The following PCDHGA10 variants were observed in gnomAD, a reference collection of about 807,000 sequenced individuals.
The protein encoded by PCDHGA10 is protocadherin gamma subfamily A, 10, also known as protocadherin gamma-A10.
Under a neutral mutation model 59.5 loss-of-function variants are expected in PCDHGA10, and 42 were observed. The ratio of observed to expected loss-of-function variants is 0.71; its 90% confidence interval spans 0.55 to 0.91. PCDHGA10 has a LOEUF of 0.91. Ranked by LOEUF, PCDHGA10 falls within the 40% of genes least tolerant of loss-of-function variation. PCDHGA10 has a pLI of 0.00. For synonymous variants in PCDHGA10, 511 were observed against 517.2 expected, an observed-to-expected ratio of 0.99 and a Z score of 0.16; for missense variants, 1,111 against 1,198.2, an observed-to-expected ratio of 0.93 and a Z score of 1.07.
intron 1 of PCDHGA10, among the ~76,000 whole-genome samples, chr5:141,460,764 G>A (rs2098996981): frequency 6.6e-6 from 1 of 150,516 alleles, no homozygotes; most frequent in Admixed American, 6.7e-5. Flanking sequence ...TATACATATT[G>A]CATATGTATG....
chr5:141,417,919 G>C, intron 1 of PCDHGA10: 1 of 1,605,944 alleles, frequency 6.2e-7, no homozygotes, highest in Non-Finnish European at 8.5e-7. Flanking sequence ...TATTTCCTTT[G>C]CTGCTGCCTT....
intron 3 of PCDHGA10, 88 bp from the exon 4 acceptor site, chr5:141,510,859 A>G: frequency 6.2e-7 from 1 of 1,606,096 alleles, no homozygotes; most frequent in Non-Finnish European, 8.5e-7. Context: ...GGTGCTGTAT[A>G]GGCATTCATT....
At chr5:141,441,981 C>A in intron 1 of PCDHGA10, 1 of 278,140 alleles carries the variant, frequency 3.6e-6, no homozygotes, top group South Asian at 3.6e-5. Context: ...GCCTGGAATG[C>A]GCACCGACGA....
At position 141,491,796 on chromosome 5, in the gene PCDHGA10, C is replaced by T. The variant is rs1487915203; in HGVS notation, c.2437-3011C>T. The stretch of plus-strand genomic sequence containing the variant: ...GATTGAACTTGCATCCACTCCTCTC[C>T]GGCCGGCTTGGTCGCTGGCTGCGCT... On this transcript the variant is annotated intron_variant, in intron 1 of 3. Transcript: ENST00000398610. The surrounding 1 kb of genome is among the most constrained non-coding windows in gnomAD (Gnocchi z 6.9). 6.6e-7 allele frequency: 1 copy of T among 1,509,866 alleles called. No homozygotes were observed. The highest frequency in any genetic ancestry group is 2.4e-5 in the Admixed American group (1 of 42,218). The allele number at this position is 1,509,866 out of a possible 1,614,324, so 93.5% of individuals were successfully genotyped here. A position where few individuals can be genotyped will look rare whatever the true frequency, so the allele number is the denominator to read the frequency against.
chr5:141,439,176 T>C (rs1044289122), intron 1 of PCDHGA10, among the ~76,000 whole-genome samples: 3 of 146,068 alleles, frequency 2.1e-5, no homozygotes, highest in African/African-American at 7.8e-5. Context: ...CTGGGCGACA[T>C]AGTGAGACTC....
rs111263562 is a variant in PCDHGA10, at chr5:141,487,812, T to C, written c.2437-6995T>C. The C allele has an allele frequency of 1.1e-4, 148 of 1,408,204 alleles. 1 individual carries two copies. Among genetic ancestry groups the C allele is most frequent in the South Asian group, 1.6e-4 (12 of 73,988 alleles). The allele number at this position is 1,408,204 out of a possible 1,614,324, so 87.2% of individuals were successfully genotyped here. On this transcript the variant is annotated intron_variant, in intron 1 of 3. Coordinates refer to ENST00000398610, the MANE Select transcript of PCDHGA10 (RefSeq NM_018913.3). The surrounding 1 kb of genome is among the most constrained non-coding windows in gnomAD (Gnocchi z 5.0). ...TAACCAGAGTTGTCACAGTTTAGCA[T>C]TGGGGGCGGGTCATGCCTATATCTG...
rs1561869085 is a variant in PCDHGA10, at chr5:141,433,357, GCCTA to G, written c.2436+17747_2436+17750del. On this transcript the variant is annotated intron_variant, in intron 1 of 3. Transcript: ENST00000398610. ...TACAGGTGCAAGCCACCTACTGTCT[GCCTA>G]TCTATCTATCTATCTATCTATCTAT... is the stretch of plus-strand genomic sequence containing the variant. 3 of 568,974 alleles carry G rather than the reference GCCTA, an allele frequency of 5.3e-6. No homozygotes were observed. In the African/African-American group the frequency reaches 6.4e-5, roughly 12 times the overall value. The allele number at this position is 568,974 out of a possible 1,614,324, so 35.2% of individuals were successfully genotyped here.
Position 141,510,866 on chromosome 5 carries a change from C to G in PCDHGA10, c.2585-81C>G. 1.9e-6 allele frequency: 3 copies of G among 1,607,908 alleles called. No homozygotes were observed. The East Asian group carries it at 6.7e-5, about 36-fold the overall frequency. ...AGGCCCAGGGTGCTGTATAGGCATT[C>G]ATTAACTGCTGGGGATATAAGACAG... On this transcript the variant is annotated intron_variant, in intron 3 of 3. Coordinates refer to ENST00000398610, the MANE Select transcript of PCDHGA10 (RefSeq NM_018913.3).
intron 3 of PCDHGA10, among the ~76,000 whole-genome samples, chr5:141,507,713 C>T (rs2099862763): frequency 6.6e-6 from 1 of 152,234 alleles, no homozygotes; most frequent in Non-Finnish European, 1.5e-5. Flanking sequence ...GGCCCCAAAC[C>T]CTCCAAGCAA....
intron 1 of PCDHGA10, among the ~76,000 whole-genome samples, chr5:141,425,336 G>A (rs2096868804): frequency 6.6e-6 from 1 of 152,182 alleles, no homozygotes; most frequent in South Asian, 2.1e-4. Flanking sequence ...CAAAAAGGAA[G>A]GGTTGGCTTT....
At chr5:141,471,660 A>G (rs1010236543) in intron 1 of PCDHGA10, 12 of 152,184 alleles carry the variant, frequency 7.9e-5, no homozygotes, top group Non-Finnish European at 1.8e-4. Flanking sequence ...GTGGGGATGC[A>G]GAAAAAAATA....
chr5:141,506,294 C>T (rs1165174121), intron 3 of PCDHGA10, among the ~76,000 whole-genome samples: 1 of 151,888 alleles, frequency 6.6e-6, no homozygotes, highest in African/African-American at 2.4e-5. Context: ...ACTAAAAATA[C>T]AAAAATTAGC....
chr5:141,466,016 G>A (rs1592991828), intron 1 of PCDHGA10, among the ~76,000 whole-genome samples: 2 of 152,032 alleles, frequency 1.3e-5, no homozygotes, highest in East Asian at 3.9e-4. Flanking sequence ...CAGCTACTCG[G>A]GAGGGTGAGG....
intron 1 of PCDHGA10, chr5:141,475,937 C>G (rs970582600): frequency 2.8e-5 from 19 of 676,764 alleles, no homozygotes; most frequent in African/African-American, 1.8e-4. Context: ...GGCCCCTGCC[C>G]GTCCCCTTTC....
chr5:141,458,386 G>T (rs1037969327), intron 1 of PCDHGA10, among the ~76,000 whole-genome samples: 2 of 152,070 alleles, frequency 1.3e-5, no homozygotes, highest in African/African-American at 2.4e-5. Flanking sequence ...GAAGGAAGAC[G>T]CTCCCCCTTG....
At position 141,423,201 on chromosome 5, in the gene PCDHGA10, C is replaced by T. The variant is rs749613139; in HGVS notation, c.2436+7590C>T. 24 of 1,613,628 alleles carry T rather than the reference C, an allele frequency of 1.5e-5. No homozygotes were observed. The South Asian group carries it at 1.5e-4, about 10-fold the overall frequency. ...ACGGCCAGCCCCCTCTCTCGGCCAC[C>T]GTCACGCTCACCGTGGCTGTGGCCG... On this transcript the variant is annotated intron_variant, in intron 1 of 3. Coordinates refer to ENST00000398610, the MANE Select transcript of PCDHGA10 (RefSeq NM_018913.3).
At position 141,413,304 on chromosome 5, in the gene PCDHGA10, A is replaced by T; in HGVS notation, c.129A>T (p.Leu43Phe). The T allele has an allele frequency of 1.9e-6, 3 of 1,613,982 alleles. No individual in the cohort carries two copies. The Admixed American group carries it at 5.0e-5, about 27-fold the overall frequency. Residue 43 changes from leucine (L) to phenylalanine (F), a missense_variant, in exon 1 of 4, where the codon TTA becomes TTT. Transcript: ENST00000398610. Reference sequence around the variant, plus strand: ...TCTCCTACTCAATTCCTGAGGAATTAGAGAAAGGCTCTTTCGTGGGCAACA... The same window carrying T: ...TCTCCTACTCAATTCCTGAGGAATTTGAGAAAGGCTCTTTCGTGGGCAACA... ...RQISYSIPEELEKGSFVGNIS... is the reference protein window; with the variant it reads ...RQISYSIPEEFEKGSFVGNIS...
rs922405350 is a variant in PCDHGA10, at chr5:141,512,227, T to C, written c.*1054T>C. 5 of 152,764 alleles carry C rather than the reference T, an allele frequency of 3.3e-5. No homozygotes were observed. The highest frequency in any genetic ancestry group is 1.2e-4 in the African/African-American group (5 of 41,552). 9.5% of individuals were successfully genotyped at this position (152,764 alleles called of 1,614,324 possible). On this transcript the variant is annotated 3_prime_UTR_variant, in exon 4 of 4. Transcript: ENST00000398610. ...AAGCAGGTTTAGGACCAGGTCCCCTTGAGAGGTCAGAGGGGCCTCTGTGGG... is the reference window on the plus strand; with the variant it reads ...AAGCAGGTTTAGGACCAGGTCCCCTCGAGAGGTCAGAGGGGCCTCTGTGGG...
rs921020435 is a variant in PCDHGA10, at chr5:141,477,853, G to A, written c.2437-16954G>A. 5.0e-6 allele frequency: 8 copies of A among 1,613,344 alleles called. No homozygotes were observed. The East Asian group carries it at 1.6e-4, about 31-fold the overall frequency. On this transcript the variant is annotated intron_variant, in intron 1 of 3. Coordinates refer to ENST00000398610, the MANE Select transcript of PCDHGA10 (RefSeq NM_018913.3). The surrounding 1 kb of genome is among the most constrained non-coding windows in gnomAD (Gnocchi z 4.9). The stretch of plus-strand genomic sequence containing the variant: ...GGCCAGGTGGGAGCTCGGTGGAGAT[G>A]CTGCCTCGAGGTACCTCAGCTGGCC...
Sources: allele counts gnomAD v4.1 joint callset (sites outside exome capture counted in the v4.1 genomes callset), GRCh38; gene constraint gnomAD v4.1.1; non-coding constraint Gnocchi (gnomAD v3.1); transcripts MANE v1.5; gene names NCBI Gene and HGNC (gene_info 2026-07-23, HGNC 2026-07-21).